The following STAM variants were observed in gnomAD, a reference collection of about 807,000 sequenced individuals.
STAM encodes the protein signal transducing adaptor molecule, also known as signal transducing adapter molecule 1.
A neutral mutation model predicts 63.4 loss-of-function variants in STAM; 16 were observed. The observed-to-expected ratio is 0.25, with a 90% CI of 0.17 to 0.38. The LOEUF (loss-of-function observed/expected upper bound fraction) is 0.38. Ranked by LOEUF, STAM falls within the 10% of genes least tolerant of loss-of-function variation. STAM has a pLI of 1.00. For missense variants in STAM, 636 were observed against 657.1 expected (o/e 0.97, Z 0.35); for synonymous variants, 238 against 223.9 (o/e 1.06, Z -0.56).
At position 17,662,059 on chromosome 10, in the gene STAM, T is replaced by C. The variant is rs1359362586; in HGVS notation, c.125+1511T>C. Among the ~76,000 whole-genome samples, 3 of 152,322 alleles carry C rather than the reference T, an allele frequency of 2.0e-5. No homozygotes were observed. In the East Asian group the frequency reaches 5.8e-4, roughly 29 times the overall value. ...TGGACGTTCCTTACCTTGCCTAGGC[T>C]AGCGAATTAACCCACTGGCATTTTT... is the stretch of plus-strand genomic sequence containing the variant. On this transcript the variant is annotated intron_variant, in intron 2 of 13. Coordinates refer to ENST00000377524, the MANE Select transcript of STAM (RefSeq NM_003473.4).
intron 13 of STAM, 87 bp downstream of exon 13, chr10:17,709,038 T>C: frequency 3.4e-6 from 5 of 1,469,512 alleles, no homozygotes; most frequent in African/African-American, 1.4e-5. Flanking sequence ...AAAATCTGGC[T>C]AATAAATATC....
At chr10:17,703,151 G>T (rs1168033803) in intron 9 of STAM, among the ~76,000 whole-genome samples, 1 of 151,884 alleles carries the variant, frequency 6.6e-6, no homozygotes, top group Non-Finnish European at 1.5e-5. Flanking sequence ...AAACAAAACG[G>T]AAACCATCTG....
At chr10:17,678,533 C>T (rs1461850533) in intron 2 of STAM, among the ~76,000 whole-genome samples, 9 of 152,152 alleles carry the variant, frequency 5.9e-5, no homozygotes, top group African/African-American at 1.4e-4. Context: ...GGATTATAGG[C>T]GTGAGTCACC....
chr10:17,662,189 A>G (rs1834199507), intron 2 of STAM, among the ~76,000 whole-genome samples: 1 of 152,016 alleles, frequency 6.6e-6, no homozygotes, highest in South Asian at 2.1e-4. Flanking sequence ...TAAGCTCCTT[A>G]GTCTTCTGAA....
intron 1 of STAM, 44 bp from the exon 2 acceptor site, chr10:17,660,420 G>T: frequency 2.2e-6 from 3 of 1,340,106 alleles, no homozygotes; most frequent in Non-Finnish European, 3.1e-6. Context: ...ATCTTTTAAA[G>T]ATTTGAAAAA....
At chr10:17,671,502 A>G (rs1181449869) in intron 2 of STAM, among the ~76,000 whole-genome samples, 1 of 152,144 alleles carries the variant, frequency 6.6e-6, no homozygotes, top group African/African-American at 2.4e-5. Flanking sequence ...CTGTATCACA[A>G]TGCTTCTTTT....
At chr10:17,679,704 T>C (rs892541923) in intron 2 of STAM, among the ~76,000 whole-genome samples, 2 of 152,028 alleles carry the variant, frequency 1.3e-5, no homozygotes, top group Non-Finnish European at 2.9e-5. Flanking sequence ...TTAGTCTTTT[T>C]ACTTGTTACA....
intron 7 of STAM, chr10:17,696,076 G>A (rs1328676714): frequency 1.3e-5 from 2 of 152,008 alleles, no homozygotes; most frequent in African/African-American, 4.8e-5. Context: ...GCTTTCCAAA[G>A]TCCCCACCTT....
intron 2 of STAM, among the ~76,000 whole-genome samples, chr10:17,667,267 C>T (rs371155678): frequency 1.1e-4 from 16 of 152,162 alleles, no homozygotes; most frequent in African/African-American, 3.6e-4. Context: ...GCTGGGATTA[C>T]AGGTGAACGC....
At chr10:17,649,068 G>A (rs949462343) in intron 1 of STAM, among the ~76,000 whole-genome samples, 23 of 152,276 alleles carry the variant, frequency 1.5e-4, no homozygotes, top group African/African-American at 4.1e-4. Flanking sequence ...CTGTTCAAAC[G>A]TCATTTTCTG....
In STAM at chr10:17,680,983, A is replaced by G. The variant is rs151139104; in HGVS notation, c.126-3692A>G. Among the ~76,000 whole-genome samples the G allele has an allele frequency of 7.2e-5, 11 of 152,238 alleles. No individual in the cohort carries two copies. The East Asian group carries it at 1.7e-3, about 24-fold the overall frequency. ...CTGCTTTCAGTCCTTTGGGGTATAT[A>G]CCTGGAAGTGGAATTGCTGGAGCAT... is the stretch of plus-strand genomic sequence containing the variant. On this transcript the variant is annotated intron_variant, in intron 2 of 13. Coordinates refer to ENST00000377524, the MANE Select transcript of STAM (RefSeq NM_003473.4).
intron 2 of STAM, among the ~76,000 whole-genome samples, chr10:17,676,305 G>C (rs1834853670): frequency 6.6e-6 from 1 of 152,142 alleles, no homozygotes; most frequent in South Asian, 2.1e-4. Context: ...GTGGGTATAG[G>C]GAGGATGTGA....
Position 17,654,511 on chromosome 10 carries a change from C to T in STAM, c.41-5953C>T, listed in dbSNP as rs1041798836. 1.2e-4 allele frequency among the ~76,000 whole-genome samples: 18 copies of T among 152,182 alleles called. 1 individual carries two copies. In the South Asian group the frequency reaches 2.1e-3, roughly 18 times the overall value. The stretch of plus-strand genomic sequence containing the variant: ...TGCTGGGATTACAGGCGTGGGTCAC[C>T]GCGCCCGGCTAAACCAGGTATTATT... On this transcript the variant is annotated intron_variant, in intron 1 of 13. Coordinates refer to ENST00000377524, the MANE Select transcript of STAM (RefSeq NM_003473.4).
chr10:17,714,736 C>T lies in STAM; in HGVS notation c.1579C>T (p.Pro527Ser), dbSNP rs150944654. 5.6e-5 allele frequency: 90 copies of T among 1,614,000 alleles called. No homozygotes were observed. The highest frequency in any genetic ancestry group is 6.9e-5 in the Non-Finnish European group (81 of 1,180,026). Reference protein sequence around the residue: ...TLPQPGGSQQPPQPQQPYSQK... With the variant: ...TLPQPGGSQQSPQPQQPYSQK... ...GCCTCAGCCCGGAGGCAGCCAACAG[C>T]CACCTCAGCCACAGCAACCATATTC... The change falls in exon 14 of 14, where the codon CCA (proline) becomes TCA (serine). Residue 527 changes from proline (P) to serine (S), a missense_variant. Coordinates refer to ENST00000377524, the MANE Select transcript of STAM (RefSeq NM_003473.4).
intron 7 of STAM, 102 bp downstream of exon 7, chr10:17,695,343 T>C: frequency 9.2e-7 from 1 of 1,090,916 alleles, no homozygotes; most frequent in Non-Finnish European, 1.3e-6. Flanking sequence ...ATAATAAATA[T>C]TGACCCAGAT....
At position 17,665,554 on chromosome 10, in the gene STAM, T is replaced by A. The variant is rs117979448; in HGVS notation, c.125+5006T>A. The stretch of plus-strand genomic sequence containing the variant: ...TTATCGTTACTTATTGACTACTTAT[T>A]GTATCCTGTCAGTCTTAGAAATGTA... On this transcript the variant is annotated intron_variant, in intron 2 of 13. Transcript: ENST00000377524. Among the ~76,000 whole-genome samples the A allele has an allele frequency of 1.8e-4, 27 of 152,276 alleles. No homozygotes were observed. In the East Asian group the frequency reaches 5.2e-3, roughly 29 times the overall value.
Position 17,708,932 on chromosome 10 carries a change from A to G in STAM, c.1366A>G (p.Thr456Ala). 3 of 1,613,808 alleles carry G rather than the reference A, an allele frequency of 1.9e-6. No homozygotes were observed. The highest frequency in any genetic ancestry group is 2.5e-6 in the Non-Finnish European group (3 of 1,179,830). ...SANPALPSQQ[T>A]QAAYPNTMVS... Reference sequence around the variant, plus strand: ...AAACCCAGCCCTTCCTAGTCAGCAGACTCAGGCCGCTTACCCAAAGTAATT... The same window carrying G: ...AAACCCAGCCCTTCCTAGTCAGCAGGCTCAGGCCGCTTACCCAAAGTAATT... Residue 456 changes from threonine (T) to alanine (A), a missense_variant, in exon 13 of 14, where the codon ACT becomes GCT. Physicochemically the swap from Thr to Ala is moderately conservative, Grantham distance 58 (BLOSUM62 0). This residue lies in a region of STAM where 532 missense variants were observed against 536.9 expected (regional missense o/e 0.99). Coordinates refer to ENST00000377524, the MANE Select transcript of STAM (RefSeq NM_003473.4).
chr10:17,693,437 G>A, intron 6 of STAM, 125 bp downstream of exon 6: 1 of 702,304 alleles, frequency 1.4e-6, no homozygotes, highest in South Asian at 2.4e-5. Flanking sequence ...GCCCTCCTCA[G>A]TATTCTTTGC....
chr10:17,693,470 T>C (rs1232806318), intron 6 of STAM, among the ~76,000 whole-genome samples, 158 bp downstream of exon 6: 1 of 152,248 alleles, frequency 6.6e-6, no homozygotes, highest in Non-Finnish European at 1.5e-5. Flanking sequence ...AGGCAATTAC[T>C]GTCACATGTA....
Sources: allele counts gnomAD v4.1 joint callset (sites outside exome capture counted in the v4.1 genomes callset), GRCh38; gene constraint gnomAD v4.1.1; regional missense constraint gnomAD v4.1.1; transcripts MANE v1.5; gene names NCBI Gene and HGNC (gene_info 2026-07-23, HGNC 2026-07-21).